The following PIK3AP1 variants were observed in gnomAD, a reference collection of about 807,000 sequenced individuals.
PIK3AP1 encodes the protein phosphoinositide-3-kinase adaptor protein 1.
Under a neutral mutation model 88.1 loss-of-function variants are expected in PIK3AP1, and 21 were observed. That is an observed-to-expected ratio of 0.24 (90% CI 0.17 to 0.34). The LOEUF is 0.34. Ranked by LOEUF, PIK3AP1 falls within the 10% of genes least tolerant of loss-of-function variation. PIK3AP1 has a pLI of 1.00. For synonymous variants in PIK3AP1, 398 were observed against 400.0 expected (o/e 1.00, Z 0.06); for missense variants, 828 against 1,035.7 (o/e 0.80, Z 2.75).
intron 2 of PIK3AP1, 99 bp from the exon 3 acceptor site, chr10:96,657,033 G>A (rs999151177): frequency 7.1e-6 from 9 of 1,270,668 alleles, no homozygotes; most frequent in Admixed American, 2.2e-5. Context: ...AATAGGAAAC[G>A]GCTCTGAATG....
In PIK3AP1 at chr10:96,645,519, G is replaced by C. The variant is rs369034239; in HGVS notation, c.1329C>G (p.Leu443=). The part of the protein sequence containing the change: ...CSLNPGCDED[L]YESMAAFVPA... ...GGACAAAGGCAGCCATGGACTCATAGAGATCCTCGTCACAGCCGGGGTTGA... is the reference window on the plus strand; with the variant it reads ...GGACAAAGGCAGCCATGGACTCATACAGATCCTCGTCACAGCCGGGGTTGA... The change falls in exon 8 of 17, where the codon CTC becomes CTG. Residue 443 remains leucine (L), a synonymous_variant. Transcript: ENST00000339364. 5.0e-6 allele frequency: 8 copies of C among 1,613,982 alleles called. No homozygotes were observed. Among genetic ancestry groups the C allele is most frequent in the Non-Finnish European group, 6.8e-6 (8 of 1,180,006 alleles).
intron 3 of PIK3AP1, among the ~76,000 whole-genome samples, chr10:96,653,763 C>T (rs900498334): frequency 6.6e-6 from 1 of 152,156 alleles, no homozygotes; most frequent in African/African-American, 2.4e-5. Context: ...GCTGGGATTA[C>T]AGGCGTGAAC....
rs372296823 is a variant in PIK3AP1, at chr10:96,634,443, G to A, written c.1376-5950C>T. Among the ~76,000 whole-genome samples, 12 of 152,292 alleles carry A rather than the reference G, an allele frequency of 7.9e-5. No homozygotes were observed. The East Asian group carries it at 1.9e-3, about 24-fold the overall frequency. On this transcript the variant is annotated intron_variant, in intron 8 of 16. Coordinates refer to ENST00000339364, the MANE Select transcript of PIK3AP1 (RefSeq NM_152309.3). ...GGCCACTGAGCAACCAGTGCAGGTC[G>A]GCATCACGATCAGAAGCATGGACTT...
chr10:96,642,588 C>T (rs1055173607), intron 8 of PIK3AP1, among the ~76,000 whole-genome samples: 2 of 152,132 alleles, frequency 1.3e-5, no homozygotes, highest in African/African-American at 4.8e-5. Flanking sequence ...CCAAATTTGA[C>T]AGGCTGCCTC....
intron 2 of PIK3AP1, among the ~76,000 whole-genome samples, chr10:96,692,926 C>A (rs1424214939): frequency 6.6e-6 from 1 of 152,160 alleles, no homozygotes; most frequent in African/African-American, 2.4e-5. Context: ...CTTAAATGAG[C>A]TTTTCCCAGG....
intron 7 of PIK3AP1, 77 bp downstream of exon 7, chr10:96,648,582 C>A: frequency 7.0e-7 from 1 of 1,429,984 alleles, no homozygotes; most frequent in Non-Finnish European, 9.4e-7. Context: ...AAAATCTGTT[C>A]GTATTTTGGG....
intron 2 of PIK3AP1, among the ~76,000 whole-genome samples, chr10:96,665,548 G>C (rs939281838): frequency 6.6e-6 from 1 of 152,158 alleles, no homozygotes; most frequent in African/African-American, 2.4e-5. Context: ...ACCAGTGTCT[G>C]GTCTGCAGAA....
Position 96,691,682 on chromosome 10 carries a change from G to A in PIK3AP1, c.430+17885C>T, listed in dbSNP as rs553178312. On this transcript the variant is annotated intron_variant, in intron 2 of 16. Transcript: ENST00000339364. ...TACCAATAGAATGAATTACAGACGT[G>A]CCAGGATATTCATTCCTTTCATTCT... Among the ~76,000 whole-genome samples the A allele has an allele frequency of 4.5e-4, 69 of 152,316 alleles. No individual in the cohort carries two copies. The South Asian group carries it at 0.013, about 29-fold the overall frequency.
At chr10:96,708,942 C>G (rs1160814369) in intron 2 of PIK3AP1, among the ~76,000 whole-genome samples, 1 of 151,800 alleles carries the variant, frequency 6.6e-6, no homozygotes, top group African/African-American at 2.4e-5. Flanking sequence ...ATCAGCCTGA[C>G]CAACATGATA....
At chr10:96,614,739 C>T (rs753938915) in intron 13 of PIK3AP1, among the ~76,000 whole-genome samples, 6 of 152,178 alleles carry the variant, frequency 3.9e-5, no homozygotes, top group Non-Finnish European at 7.3e-5. Flanking sequence ...GTGCCTGGTG[C>T]TTGTTAAGTG....
chr10:96,649,257 T>C (rs1037168361), intron 6 of PIK3AP1, among the ~76,000 whole-genome samples: 46 of 152,314 alleles, frequency 3.0e-4, no homozygotes, highest in African/African-American at 1.1e-3. Context: ...TTATCCAGGC[T>C]GGTCTCATAC....
intron 16 of PIK3AP1, among the ~76,000 whole-genome samples, chr10:96,601,272 G>A (rs1319650562): frequency 1.3e-5 from 2 of 151,988 alleles, no homozygotes; most frequent in East Asian, 1.9e-4. Flanking sequence ...TCAGGAGTTC[G>A]AGGCCAGCCT....
At chr10:96,629,418 T>A (rs575948272) in intron 8 of PIK3AP1, among the ~76,000 whole-genome samples, 15 of 152,130 alleles carry the variant, frequency 9.9e-5, no homozygotes, top group South Asian at 8.3e-4. Context: ...TATTTAATTT[T>A]AAAAAAATCT....
chr10:96,709,182 G>A (rs893753365), intron 2 of PIK3AP1, among the ~76,000 whole-genome samples: 2 of 150,588 alleles, frequency 1.3e-5, no homozygotes, highest in Non-Finnish European at 3.0e-5. Flanking sequence ...AAGTTCGCGT[G>A]ATGATAAAAT....
chr10:96,600,785 T>C (rs1848875129), intron 16 of PIK3AP1, among the ~76,000 whole-genome samples: 1 of 152,244 alleles, frequency 6.6e-6, no homozygotes, highest in African/African-American at 2.4e-5. Context: ...GAAGAAAAGC[T>C]TCCTCCTTCC....
chr10:96,678,169 C>A (rs1208883883), intron 2 of PIK3AP1, among the ~76,000 whole-genome samples: 1 of 152,072 alleles, frequency 6.6e-6, no homozygotes, highest in Non-Finnish European at 1.5e-5. Flanking sequence ...CACAGTGGTT[C>A]ATGCCTGTAA....
At chr10:96,672,857 T>A (rs1429224517) in intron 2 of PIK3AP1, among the ~76,000 whole-genome samples, 1 of 152,210 alleles carries the variant, frequency 6.6e-6, no homozygotes, top group East Asian at 1.9e-4. Context: ...TCAGCTGGAG[T>A]TGTCTCAGCG....
At chr10:96,689,514 G>A (rs1396962371) in intron 2 of PIK3AP1, among the ~76,000 whole-genome samples, 1 of 142,670 alleles carries the variant, frequency 7.0e-6, no homozygotes, top group East Asian at 2.1e-4. Flanking sequence ...AGCTTGCAGT[G>A]AGCCAAGATC....
intron 12 of PIK3AP1, among the ~76,000 whole-genome samples, chr10:96,620,080 A>G (rs538380704): frequency 6.6e-6 from 1 of 152,324 alleles, no homozygotes; most frequent in South Asian, 2.1e-4. Context: ...GAGACACAGC[A>G]GCAGAGTTAG....
Sources: gnomAD v4.1 joint callset for allele counts (sites outside exome capture counted in the v4.1 genomes callset) on GRCh38, gnomAD v4.1.1 for gene constraint, MANE v1.5 for transcripts, NCBI Gene and HGNC (gene_info 2026-07-23, HGNC 2026-07-21) for gene names.